GRIK1: variants seen among roughly 807,000 people sequenced by gnomAD.
GRIK1 encodes the protein glutamate ionotropic receptor kainate type subunit 1.
GRIK1 carries 69 observed loss-of-function variants against 105.7 expected under a neutral mutation model. That is an observed-to-expected ratio of 0.65 (90% CI 0.54 to 0.80). GRIK1 has a LOEUF of 0.80. Among genes scored for constraint, GRIK1 ranks in the 30% least tolerant of loss-of-function variants. The pLI is 0.00. For missense variants in GRIK1, 1,109 were observed against 1,167.3 expected (o/e 0.95, Z 0.73); for synonymous variants, 438 against 431.3 (o/e 1.02, Z -0.19).
intron 7 of GRIK1, chr21:29,601,218 C>T: frequency 2.0e-6 from 1 of 510,942 alleles, no homozygotes; most frequent in Non-Finnish European, 3.9e-6. Context: ...TTACTCTCTG[C>T]CTGACTGACA....
At chr21:29,777,343 T>C (rs755141905) in intron 1 of GRIK1, among the ~76,000 whole-genome samples, 35 of 152,146 alleles carry the variant, frequency 2.3e-4, no homozygotes, top group Non-Finnish European at 4.3e-4. Context: ...TTTATATTAA[T>C]CATTAACAAG....
chr21:29,651,894 A>G (rs117853468), intron 5 of GRIK1, among the ~76,000 whole-genome samples: 5 of 152,148 alleles, frequency 3.3e-5, no homozygotes, highest in Non-Finnish European at 7.4e-5. Flanking sequence ...GTACCACACT[A>G]TTTCAATAAA....
chr21:29,547,212 T>C (rs2090063998), intron 16 of GRIK1, among the ~76,000 whole-genome samples: 4 of 152,264 alleles, frequency 2.6e-5, no homozygotes, highest in South Asian at 2.1e-4. Flanking sequence ...ATTCATTAGA[T>C]GGGAACCTTC....
At chr21:29,842,333 TG>T (rs1172700341) in intron 1 of GRIK1, among the ~76,000 whole-genome samples, 1 of 152,174 alleles carries the variant, frequency 6.6e-6, no homozygotes, top group Non-Finnish European at 1.5e-5. Context: ...ATAAAACATT[TG>T]TTGCAAGAGG....
At chr21:29,560,566 T>TTCTTTCTC (rs2090448385) in intron 15 of GRIK1, among the ~76,000 whole-genome samples, 3 of 121,488 alleles carry the variant, frequency 2.5e-5, no homozygotes, top group Non-Finnish European at 3.1e-5. Flanking sequence ...CTTTCTTTCT[T>TTCTTTCTC]TCTTTCTTTC....
At chr21:29,796,873 G>T (rs1292517106) in intron 1 of GRIK1, among the ~76,000 whole-genome samples, 1 of 151,922 alleles carries the variant, frequency 6.6e-6, no homozygotes, top group East Asian at 1.9e-4. Context: ...CACTTGAACT[G>T]GGGAGGAAGA....
chr21:29,764,553 AC>A (rs1028818407), intron 1 of GRIK1, among the ~76,000 whole-genome samples: 52 of 152,324 alleles, frequency 3.4e-4, no homozygotes, highest in Non-Finnish European at 6.8e-4. Flanking sequence ...AACACCACTA[AC>A]AAAAAGCTAA....
chr21:29,542,937 A>C (rs2089994087), intron 16 of GRIK1, among the ~76,000 whole-genome samples: 1 of 152,212 alleles, frequency 6.6e-6, no homozygotes, highest in Non-Finnish European at 1.5e-5. Context: ...AGGAAAAAGG[A>C]AGAAAGAGGA....
At chr21:29,575,520 A>C (rs2090869570) in intron 14 of GRIK1, among the ~76,000 whole-genome samples, 1 of 151,960 alleles carries the variant, frequency 6.6e-6, no homozygotes, top group Non-Finnish European at 1.5e-5. Flanking sequence ...AAATAATAGA[A>C]AGGAAAAGAT....
chr21:29,543,754 A>T (rs2146096076), intron 16 of GRIK1, among the ~76,000 whole-genome samples: 1 of 152,286 alleles, frequency 6.6e-6, no homozygotes, highest in South Asian at 2.1e-4. Context: ...AAGTCTAGCC[A>T]CTGAAATAAA....
At chr21:29,910,326 G>A (rs754835111) in intron 1 of GRIK1, among the ~76,000 whole-genome samples, 6 of 152,010 alleles carry the variant, frequency 3.9e-5, no homozygotes, top group Admixed American at 1.3e-4. Context: ...GTCTAAACAC[G>A]TGGGGATCCT....
At chr21:29,935,857 T>C (rs1235998709) in intron 1 of GRIK1, among the ~76,000 whole-genome samples, 4 of 152,170 alleles carry the variant, frequency 2.6e-5, no homozygotes, top group African/African-American at 9.7e-5. Context: ...GGCTTAAAGA[T>C]ATTAAAGGTC....
Position 29,589,050 on chromosome 21 carries a change from A to G in GRIK1, c.1366-8T>C. 1 of 1,453,088 alleles carries G rather than the reference A, an allele frequency of 6.9e-7. No homozygotes were observed. Among genetic ancestry groups the G allele is most frequent in the Non-Finnish European group, 9.6e-7 (1 of 1,039,708 alleles). The allele number at this position is 1,453,088 out of a possible 1,614,324, so 90.0% of individuals were successfully genotyped here. On this transcript the variant is annotated splice_polypyrimidine_tract_variant and splice_region_variant and intron_variant, in intron 10 of 17. Coordinates refer to ENST00000327783, the MANE Select transcript of GRIK1 (RefSeq NM_001330994.2). Reference sequence around the variant, plus strand: ...CATAACATAGGGTTCTTCCTAAATGAAACAAACCAAATATGAAAACCCTGT... The same window carrying G: ...CATAACATAGGGTTCTTCCTAAATGGAACAAACCAAATATGAAAACCCTGT...
At position 29,672,949 on chromosome 21, in the gene GRIK1, T is replaced by C; in HGVS notation, c.726+34A>G. On this transcript the variant is annotated intron_variant, in intron 4 of 17. Transcript: ENST00000327783. ...TTTGAAAAATAGAAAATAACATTTA[T>C]CCCACACCTCCACCTCCTCCCTAGC... 2.0e-6 allele frequency: 3 copies of C among 1,495,234 alleles called. No homozygotes were observed. The South Asian group carries it at 3.6e-5, about 18-fold the overall frequency. 92.6% of individuals were successfully genotyped at this position (1,495,234 alleles called of 1,614,324 possible).
intron 1 of GRIK1, among the ~76,000 whole-genome samples, chr21:29,758,566 TG>T (rs1257056530): frequency 6.6e-6 from 1 of 152,152 alleles, no homozygotes; most frequent in Non-Finnish European, 1.5e-5. Context: ...GAGATTTGGG[TG>T]GGCACACAGC....
intron 14 of GRIK1, among the ~76,000 whole-genome samples, chr21:29,572,322 G>C (rs1052524796): frequency 1.1e-4 from 16 of 152,166 alleles, no homozygotes; most frequent in African/African-American, 3.9e-4. Context: ...TCGGTAAACT[G>C]GGTTGCTGGG....
chr21:29,924,169 C>T (rs888354709), intron 1 of GRIK1, among the ~76,000 whole-genome samples: 3 of 151,758 alleles, frequency 2.0e-5, no homozygotes, highest in African/African-American at 7.3e-5. Flanking sequence ...GAAACGCCAT[C>T]TCTACTAAAT....
Position 29,537,130 on chromosome 21 carries a change from A to G in GRIK1, c.*100T>C, listed in dbSNP as rs1217089073. 8.5e-6 allele frequency: 6 copies of G among 703,866 alleles called. No individual in the cohort carries two copies. Among genetic ancestry groups the G allele is most frequent in the African/African-American group, 1.8e-5 (1 of 54,200 alleles). 43.6% of individuals were successfully genotyped at this position (703,866 alleles called of 1,614,324 possible). A position where few individuals can be genotyped will look rare whatever the true frequency, so the allele number is the denominator to read the frequency against. On this transcript the variant is annotated 3_prime_UTR_variant, in exon 18 of 18. Transcript: ENST00000327783. ...TCTGTATTCATAATCAGAGTTATGG[A>G]TATAGATATATGGAAACACATCACA...
intron 6 of GRIK1, among the ~76,000 whole-genome samples, chr21:29,646,697 A>C (rs574129299): frequency 2.0e-5 from 3 of 152,240 alleles, no homozygotes; most frequent in Non-Finnish European, 2.9e-5. Context: ...AGAGAGACCT[A>C]ATATTCAGAG....
Sources: gnomAD v4.1 joint callset for allele counts (sites outside exome capture counted in the v4.1 genomes callset) on GRCh38, gnomAD v4.1.1 for gene constraint, MANE v1.5 for transcripts, NCBI Gene and HGNC (gene_info 2026-07-23, HGNC 2026-07-21) for gene names.